Variants in KIAA1328 observed in about 807,000 individuals in gnomAD.
KIAA1328 encodes protein hinderin.
In KIAA1328, 52 loss-of-function variants were observed where a neutral mutation model predicts 68.1. The ratio of observed to expected loss-of-function variants is 0.76; its 90% CI spans 0.61 to 0.96. The LOEUF (loss-of-function observed/expected upper bound fraction) is 0.96, where lower values mean the gene tolerates loss of function less well. Among genes scored for constraint, KIAA1328 ranks in the 40% least tolerant of loss-of-function variants. KIAA1328 has a pLI of 0.00. For missense variants in KIAA1328, 641 were observed against 677.6 expected, an observed-to-expected ratio of 0.95 and a Z score of 0.60; for synonymous variants, 232 against 239.4, an observed-to-expected ratio of 0.97 and a Z score of 0.28.
chr18:36,961,786 G>A (rs1181788713), intron 6 of KIAA1328, among the ~76,000 whole-genome samples: 8 of 152,160 alleles, frequency 5.3e-5, no homozygotes, highest in Admixed American at 5.2e-4. Context: ...GTCACCACCA[G>A]GCCTGCCTTA....
intron 4 of KIAA1328, among the ~76,000 whole-genome samples, chr18:36,858,647 T>C (rs1398357054): frequency 5.3e-5 from 8 of 152,306 alleles, no homozygotes. Context: ...TTCCCCAATA[T>C]ATATAGCTTT....
intron 4 of KIAA1328, among the ~76,000 whole-genome samples, chr18:36,875,461 T>A (rs1473727558): frequency 6.6e-6 from 1 of 152,224 alleles, no homozygotes; most frequent in African/African-American, 2.4e-5. Flanking sequence ...GATTTGGCTC[T>A]CTGTTTGTCT....
intron 6 of KIAA1328, among the ~76,000 whole-genome samples, chr18:37,066,474 G>T (rs2056341049): frequency 6.6e-6 from 1 of 151,794 alleles, no homozygotes; most frequent in African/African-American, 2.4e-5. Context: ...CAAGTCTCAT[G>T]CTGTGTAATG....
chr18:37,052,583 A>T (rs1423460259), intron 6 of KIAA1328, among the ~76,000 whole-genome samples: 1 of 145,706 alleles, frequency 6.9e-6, no homozygotes, highest in Non-Finnish European at 1.5e-5. Context: ...TCCTATATCT[A>T]AAAAAAAAAC....
At chr18:36,972,982 A>G (rs7237196) in intron 6 of KIAA1328, among the ~76,000 whole-genome samples, 111,465 of 152,162 alleles carry the variant, frequency 0.73, 43,983 homozygotes, top group South Asian at 0.89. Flanking sequence ...TTTTGTGTTG[A>G]AGATGCTGCC....
chr18:37,101,703 G>T (rs1221564274), intron 7 of KIAA1328, among the ~76,000 whole-genome samples: 2 of 152,142 alleles, frequency 1.3e-5, no homozygotes, highest in Non-Finnish European at 2.9e-5. Context: ...GCAACTCCAA[G>T]ACACATAATT....
intron 9 of KIAA1328, among the ~76,000 whole-genome samples, chr18:37,213,369 G>T (rs945513001): frequency 6.6e-6 from 1 of 152,128 alleles, no homozygotes; most frequent in Non-Finnish European, 1.5e-5. Flanking sequence ...TCATTGTTCA[G>T]TTCCCACCTA....
At chr18:36,927,704 G>A (rs1234721744) in intron 5 of KIAA1328, among the ~76,000 whole-genome samples, 1 of 152,146 alleles carries the variant, frequency 6.6e-6, no homozygotes, top group East Asian at 1.9e-4. Flanking sequence ...CATGAGCTGA[G>A]TTGTGATCAT....
chr18:37,216,422 G>C (rs1304246093), intron 9 of KIAA1328, among the ~76,000 whole-genome samples: 1 of 152,114 alleles, frequency 6.6e-6, no homozygotes, highest in Non-Finnish European at 1.5e-5. Flanking sequence ...TCATTCAGGA[G>C]CAGGTTGTTC....
At chr18:36,887,027 TG>T (rs916839177) in intron 5 of KIAA1328, among the ~76,000 whole-genome samples, 5 of 152,286 alleles carry the variant, frequency 3.3e-5, no homozygotes, top group African/African-American at 1.2e-4. Flanking sequence ...TAAGGCTTGT[TG>T]GCCTCACAAG....
intron 4 of KIAA1328, among the ~76,000 whole-genome samples, chr18:36,878,238 G>T (rs1411058933): frequency 6.6e-6 from 1 of 152,100 alleles, no homozygotes; most frequent in Non-Finnish European, 1.5e-5. Flanking sequence ...AAATCTCTCA[G>T]GGTTTGCTTG....
At chr18:36,864,275 G>A (rs78473669) in intron 4 of KIAA1328, among the ~76,000 whole-genome samples, 2,919 of 150,926 alleles carry the variant, frequency 0.019, 39 homozygotes, top group Non-Finnish European at 0.031. Flanking sequence ...TCAGCCTTGC[G>A]TACCTGTAGT....
chr18:37,039,464 G>A (rs998313610), intron 6 of KIAA1328, among the ~76,000 whole-genome samples: 1 of 151,258 alleles, frequency 6.6e-6, no homozygotes, highest in African/African-American at 2.4e-5. Context: ...CCAGGCTGGA[G>A]TGCAGTGGCG....
At chr18:36,839,406 A>G (rs989085190) in intron 3 of KIAA1328, among the ~76,000 whole-genome samples, 2 of 152,112 alleles carry the variant, frequency 1.3e-5, no homozygotes, top group African/African-American at 4.8e-5. Context: ...GTTCAGTTTC[A>G]GTCTCTTATT....
chr18:37,173,530 A>G (rs2059540866), intron 9 of KIAA1328, among the ~76,000 whole-genome samples: 1 of 152,242 alleles, frequency 6.6e-6, no homozygotes, highest in Non-Finnish European at 1.5e-5. Context: ...TTCTGGAGTC[A>G]GGGAAAGAAA....
intron 7 of KIAA1328, among the ~76,000 whole-genome samples, chr18:37,133,387 G>A (rs1192841219): frequency 6.6e-6 from 1 of 151,832 alleles, no homozygotes; most frequent in Admixed American, 6.6e-5. Context: ...GGGAAGTTGT[G>A]ACTGCACTGG....
intron 6 of KIAA1328, among the ~76,000 whole-genome samples, chr18:37,066,245 C>G (rs960360273): frequency 6.6e-6 from 1 of 152,108 alleles, no homozygotes; most frequent in Non-Finnish European, 1.5e-5. Flanking sequence ...CCTTTCTGCC[C>G]GAGTTCTATC....
At chr18:37,220,320 G>T (rs1019976058) in intron 9 of KIAA1328, among the ~76,000 whole-genome samples, 1 of 152,160 alleles carries the variant, frequency 6.6e-6, no homozygotes, top group African/African-American at 2.4e-5. Flanking sequence ...CACAGTGCTT[G>T]TTTATGCTTT....
At chr18:37,231,180 T>C (rs1358158608), downstream of KIAA1328, 1 of 152,160 alleles carries the variant, frequency 6.6e-6, no homozygotes, top group Non-Finnish European at 1.5e-5. Context: ...ATCTGTCCCA[T>C]ATTGCTCTGT....
Sources: allele counts gnomAD v4.1 joint callset (sites outside exome capture counted in the v4.1 genomes callset), GRCh38; gene constraint gnomAD v4.1.1; transcripts MANE v1.5; gene names NCBI Gene and HGNC (gene_info 2026-07-23, HGNC 2026-07-21).